KHK: variants seen among roughly 807,000 people sequenced by gnomAD.
KHK encodes the protein fructokinase.
A neutral mutation model predicts 36.0 loss-of-function variants in KHK; 37 were observed. The ratio of observed to expected loss-of-function variants is 1.03; its 90% CI spans 0.79 to 1.35. The LOEUF (loss-of-function observed/expected upper bound fraction) is 1.35, where lower values mean the gene tolerates loss of function less well. KHK is among the 40% of genes most tolerant of loss of function. The pLI is 0.00. For synonymous variants in KHK, 161 were observed against 162.8 expected, an observed-to-expected ratio of 0.99 and a Z score of 0.08; for missense variants, 395 against 391.9, an observed-to-expected ratio of 1.01 and a Z score of -0.07.
chr2:27,090,245 C>G (rs1025284529), intron 1 of KHK, among the ~76,000 whole-genome samples: 1 of 152,196 alleles, frequency 6.6e-6, no homozygotes, highest in African/African-American at 2.4e-5. Context: ...AACCTCAATG[C>G]TTGGGCCTAA....
In KHK at chr2:27,099,744, C is replaced by A. The variant is rs745505014; in HGVS notation, c.891C>A (p.Ile297=). ...KKCGLQGFDG[I]V Reference sequence around the variant, plus strand: ...GTGGCCTGCAGGGCTTTGATGGCATCGTGTGAGAGCAGGTGCCGGCTCCTC... The same window carrying A: ...GTGGCCTGCAGGGCTTTGATGGCATAGTGTGAGAGCAGGTGCCGGCTCCTC... The change falls in exon 8 of 8, where the codon ATC becomes ATA. Residue 297 remains isoleucine (I), a synonymous_variant. Transcript: ENST00000260598. 3.1e-6 allele frequency: 5 copies of A among 1,614,004 alleles called. No homozygotes were observed. The South Asian group carries it at 5.5e-5, about 18-fold the overall frequency.
chr2:27,096,048 A>T (rs1670313293), intron 3 of KHK, among the ~76,000 whole-genome samples: 1 of 152,200 alleles, frequency 6.6e-6, no homozygotes, highest in African/African-American at 2.4e-5. Context: ...ATCAATGTGG[A>T]AGTTGCCTCC....
In KHK at chr2:27,087,168, C is replaced by A; in HGVS notation, c.-92C>A. The A allele has an allele frequency of 9.0e-7, 1 of 1,105,936 alleles. No homozygotes were observed. Among genetic ancestry groups the A allele is most frequent in the Non-Finnish European group, 1.3e-6 (1 of 750,688 alleles). 68.5% of individuals were successfully genotyped at this position (1,105,936 alleles called of 1,614,324 possible). On this transcript the variant is annotated 5_prime_UTR_variant, in exon 1 of 8. The change creates a new upstream start codon in the 5' untranslated region. Coordinates refer to ENST00000260598, the MANE Select transcript of KHK (RefSeq NM_006488.3). Reference sequence around the variant, plus strand: ...CCACGCGGAGGAGGAGCCAGGGCAGCTGGGAGCGGGGACACCATCCTCCTG... The same window carrying A: ...CCACGCGGAGGAGGAGCCAGGGCAGATGGGAGCGGGGACACCATCCTCCTG...
chr2:27,094,172 A>C, intron 2 of KHK: 1 of 456,490 alleles, frequency 2.2e-6, no homozygotes, highest in Non-Finnish European at 4.1e-6. Flanking sequence ...GTCTAGCTTT[A>C]TGAACAGGAG....
Position 27,099,745 on chromosome 2 carries a change from G to A in KHK, c.892G>A (p.Val298Met), listed in dbSNP as rs144351342. 38 of 1,614,022 alleles carry A rather than the reference G, an allele frequency of 2.4e-5. No individual in the cohort carries two copies. Among genetic ancestry groups the A allele is most frequent in the Middle Eastern group, 1.7e-4 (1 of 6,052 alleles). ...TGGCCTGCAGGGCTTTGATGGCATC[G>A]TGTGAGAGCAGGTGCCGGCTCCTCA... Reference protein sequence around the residue: ...KCGLQGFDGIV With the variant: ...KCGLQGFDGIM The change falls in exon 8 of 8, where the codon GTG (valine) becomes ATG (methionine). Residue 298 changes from valine (V) to methionine (M), a missense_variant. Physicochemically the swap from Val to Met is conservative, Grantham distance 21. Transcript: ENST00000260598.
At chr2:27,097,263 A>G (rs563942224) in intron 4 of KHK, among the ~76,000 whole-genome samples, 1 of 152,334 alleles carries the variant, frequency 6.6e-6, no homozygotes, top group East Asian at 1.9e-4. Context: ...CATTTAACCT[A>G]TGGTAGGTCT....
rs776937292 is a variant in KHK at position 27,099,465 on chromosome 2, G to A, written c.699G>A (p.Leu233=). 4 of 1,613,938 alleles carry A rather than the reference G, an allele frequency of 2.5e-6. No homozygotes were observed. The African/African-American group carries it at 5.3e-5, about 22-fold the overall frequency. The change falls in exon 7 of 8, where the codon CTG becomes CTA. Residue 233 remains leucine (L), a synonymous_variant. Coordinates refer to ENST00000260598, the MANE Select transcript of KHK (RefSeq NM_006488.3). ...CAWAEEGADA[L]GPDGKLLHSD... The stretch of plus-strand genomic sequence containing the variant: ...GGGCTGAGGAGGGCGCCGACGCCCT[G>A]GGCCCTGATGGCAAATTGCTCCACT...
intron 6 of KHK, 56 bp downstream of exon 6, chr2:27,099,340 C>CA (rs1558452798): frequency 1.2e-6 from 2 of 1,613,152 alleles, no homozygotes; most frequent in African/African-American, 1.3e-5. Context: ...GCCTGGACTC[C>CA]AGGAGTCCGC....
intron 2 of KHK, 149 bp downstream of exon 2, chr2:27,092,597 C>T: frequency 1.5e-6 from 1 of 678,800 alleles, no homozygotes; most frequent in Admixed American, 2.1e-5. Context: ...GCACCAGACG[C>T]CCAGCCCTGC....
chr2:27,094,415 A>G (rs1181586047), intron 2 of KHK: 2 of 1,603,992 alleles, frequency 1.2e-6, no homozygotes, highest in African/African-American at 2.7e-5. Context: ...CCTGCCAGCT[A>G]CCCTCCAGTC....
At position 27,100,722 on chromosome 2, in the gene KHK, A is replaced by G; in HGVS notation, c.*972A>G. ...TTGGCTACAGAATTATTGTGAGGAT[A>G]AAATCATATATAAAATGCCCAGCAT... On this transcript the variant is annotated 3_prime_UTR_variant, in exon 8 of 8. Coordinates refer to ENST00000260598, the MANE Select transcript of KHK (RefSeq NM_006488.3). The G allele has an allele frequency of 2.7e-6, 3 of 1,131,784 alleles. No individual in the cohort carries two copies. Among genetic ancestry groups the G allele is most frequent in the Non-Finnish European group, 3.4e-6 (3 of 890,060 alleles). 70.1% of individuals were successfully genotyped at this position (1,131,784 alleles called of 1,614,324 possible). A position where few individuals can be genotyped will look rare whatever the true frequency, so the allele number is the denominator to read the frequency against.
chr2:27,099,649 C>T lies in KHK; in HGVS notation c.812-16C>T, dbSNP rs778134637. 3 of 1,614,062 alleles carry T rather than the reference C, an allele frequency of 1.9e-6. No individual in the cohort carries two copies. The highest frequency in any genetic ancestry group is 2.2e-5 in the South Asian group (2 of 91,086). On this transcript the variant is annotated splice_polypyrimidine_tract_variant and intron_variant, in intron 7 of 7. Transcript: ENST00000260598. ...CCCAAACACCTGGCTGACCTAGCTACTTGCCCCTCCTCCAGGGAGGAGCGT... is the reference window on the plus strand; with the variant it reads ...CCCAAACACCTGGCTGACCTAGCTATTTGCCCCTCCTCCAGGGAGGAGCGT...
chr2:27,087,210 C>T lies in KHK; in HGVS notation c.-50C>T. 6.7e-7 allele frequency: 1 copy of T among 1,485,654 alleles called. No individual in the cohort carries two copies. The highest frequency in any genetic ancestry group is 9.2e-7 in the Non-Finnish European group (1 of 1,086,544). 92.0% of individuals were successfully genotyped at this position (1,485,654 alleles called of 1,614,324 possible). A position where few individuals can be genotyped will look rare whatever the true frequency, so the allele number is the denominator to read the frequency against. On this transcript the variant is annotated 5_prime_UTR_variant, in exon 1 of 8. Coordinates refer to ENST00000260598, the MANE Select transcript of KHK (RefSeq NM_006488.3). The stretch of plus-strand genomic sequence containing the variant: ...ATCCTCCTGGATAAGAGGCAGAGGC[C>T]GGGAGGAACCCCGTCAGCCGGGCGG...
chr2:27,099,864 T>G lies in KHK; in HGVS notation c.*114T>G. 8 of 1,551,196 alleles carry G rather than the reference T, an allele frequency of 5.2e-6. No homozygotes were observed. The highest frequency in any genetic ancestry group is 5.2e-6 in the Non-Finnish European group (6 of 1,147,590). The stretch of plus-strand genomic sequence containing the variant: ...CCCTGTTCAGGGGACAGATGCAAGC[T>G]GTGGGGAGGACTCTGCCTGTGTCCT... On this transcript the variant is annotated 3_prime_UTR_variant, in exon 8 of 8. Transcript: ENST00000260598.
rs144943949 is a variant in KHK, at chr2:27,099,552, C to T, written c.786C>T (p.Ala262=). The part of the protein sequence containing the change: ...DTLGAGDTFN[A]SVIFSLSQGR... ...TGGGAGCTGGAGACACCTTCAATGC[C>T]TCCGTCATCTTCAGCCTCTCCCAGG... Residue 262 remains alanine (A), a synonymous_variant, in exon 7 of 8, where the codon GCC becomes GCT. Transcript: ENST00000260598. 795 of 1,614,180 alleles carry T rather than the reference C, an allele frequency of 4.9e-4. 1 individual carries two copies. The highest frequency in any genetic ancestry group is 2.1e-3 in the Middle Eastern group (13 of 6,062).
chr2:27,091,802 G>A (rs560249205), intron 1 of KHK, among the ~76,000 whole-genome samples: 2 of 152,194 alleles, frequency 1.3e-5, no homozygotes, highest in African/African-American at 4.8e-5. Context: ...AACGACCAAC[G>A]TCCAGGTTTG....
chr2:27,087,194 G>C lies in KHK; in HGVS notation c.-66G>C. 7.3e-7 allele frequency: 1 copy of C among 1,371,466 alleles called. No homozygotes were observed. The highest frequency in any genetic ancestry group is 1.0e-6 in the Non-Finnish European group (1 of 984,360). The allele number at this position is 1,371,466 out of a possible 1,614,324, so 85.0% of individuals were successfully genotyped here. A position where few individuals can be genotyped will look rare whatever the true frequency, so the allele number is the denominator to read the frequency against. Reference sequence around the variant, plus strand: ...TGGGAGCGGGGACACCATCCTCCTGGATAAGAGGCAGAGGCCGGGAGGAAC... The same window carrying C: ...TGGGAGCGGGGACACCATCCTCCTGCATAAGAGGCAGAGGCCGGGAGGAAC... On this transcript the variant is annotated 5_prime_UTR_variant, in exon 1 of 8. Coordinates refer to ENST00000260598, the MANE Select transcript of KHK (RefSeq NM_006488.3).
In KHK at chr2:27,100,531, G is replaced by C. The variant is rs1484222493; in HGVS notation, c.*781G>C. The stretch of plus-strand genomic sequence containing the variant: ...GGAATTGGGGCCAACTCCAATATAG[G>C]GTGGGTAAGGCCTTATAATGTAAAG... On this transcript the variant is annotated 3_prime_UTR_variant, in exon 8 of 8. Transcript: ENST00000260598. 2 of 1,290,832 alleles carry C rather than the reference G, an allele frequency of 1.5e-6. No individual in the cohort carries two copies. The highest frequency in any genetic ancestry group is 1.5e-5 in the African/African-American group (1 of 65,844). The allele number at this position is 1,290,832 out of a possible 1,614,324, so 80.0% of individuals were successfully genotyped here. A position where few individuals can be genotyped will look rare whatever the true frequency, so the allele number is the denominator to read the frequency against.
intron 3 of KHK, among the ~76,000 whole-genome samples, chr2:27,095,716 C>G (rs551956270): frequency 6.5e-4 from 99 of 152,254 alleles, no homozygotes; most frequent in Non-Finnish European, 1.2e-3. Context: ...CCCAGCAGCC[C>G]TCAGGTTCAG....
Sources: allele counts gnomAD v4.1 joint callset (sites outside exome capture counted in the v4.1 genomes callset), GRCh38; gene constraint gnomAD v4.1.1; transcripts MANE v1.5; gene names NCBI Gene and HGNC (gene_info 2026-07-23, HGNC 2026-07-21).